The following MAG variants were observed in gnomAD, a reference collection of about 807,000 sequenced individuals.
The protein encoded by MAG is myelin associated glycoprotein, also known as myelin-associated glycoprotein.
In MAG, 30 loss-of-function variants were observed where a neutral mutation model predicts 60.7. The ratio of observed to expected loss-of-function variants is 0.49; its 90% CI spans 0.37 to 0.67. The LOEUF is 0.67. Among genes scored for constraint, MAG ranks in the 30% least tolerant of loss-of-function variants. MAG has a pLI of 0.00. For missense variants in MAG, 795 were observed against 851.7 expected, an observed-to-expected ratio of 0.93 and a Z score of 0.83; for synonymous variants, 384 against 376.8, an observed-to-expected ratio of 1.02 and a Z score of -0.22.
At chr19:35,312,127 G>T in intron 10 of MAG, 110 bp downstream of exon 10, 1 of 1,269,548 alleles carries the variant, frequency 7.9e-7, no homozygotes, top group East Asian at 2.3e-5. Flanking sequence ...GCCTCTCACA[G>T]GAGGAGAGGA....
At position 35,310,076 on chromosome 19, in the gene MAG, G is replaced by A. The variant is rs1327218860; in HGVS notation, c.1434G>A (p.Gly478=). ...TCACCAGCATCCTCACGCTGCGGGG[G>A]CAGGCCCAGGCCCCGCCCCGCGTCA... ...LVLTSILTLR[G]QAQAPPRVIC... The change falls in exon 8 of 11, where the codon GGG becomes GGA. Residue 478 remains glycine (G), a synonymous_variant. Transcript: ENST00000392213. 5.0e-6 allele frequency: 8 copies of A among 1,613,302 alleles called. 1 individual carries two copies. Among genetic ancestry groups the A allele is most frequent in the South Asian group, 2.2e-5 (2 of 91,050 alleles).
chr19:35,305,487 A>C (rs1422100245), intron 7 of MAG, among the ~76,000 whole-genome samples: 1 of 152,168 alleles, frequency 6.6e-6, no homozygotes, highest in Non-Finnish European at 1.5e-5. Flanking sequence ...ACCCAGTTTA[A>C]TACAAGGAAA....
intron 10 of MAG, chr19:35,312,526 T>G (rs2145628467): frequency 2.4e-5 from 8 of 334,718 alleles, no homozygotes; most frequent in Middle Eastern, 1.1e-3. Context: ...TCCAAATTCC[T>G]GTGGCTAGGG....
chr19:35,292,768 CT>C (rs568196327), intron 1 of MAG, among the ~76,000 whole-genome samples: 464 of 145,356 alleles, frequency 3.2e-3, no homozygotes, highest in African/African-American at 4.5e-3. Flanking sequence ...TTTTTCGTTA[CT>C]TTTTTTTTTT....
chr19:35,299,466 G>T, intron 4 of MAG, 88 bp from the exon 5 acceptor site: 1 of 898,928 alleles, frequency 1.1e-6, no homozygotes, highest in South Asian at 1.8e-5. Context: ...CAGCAATGGA[G>T]GTGGACAAGG....
At chr19:35,312,433 T>G in intron 10 of MAG, 1 of 1,012,188 alleles carries the variant, frequency 9.9e-7, no homozygotes, top group South Asian at 1.3e-5. Flanking sequence ...TCTCTGGTGA[T>G]GTCCGGGCCT....
Position 35,313,588 on chromosome 19 carries a change from C to G in MAG, c.*134C>G. On this transcript the variant is annotated 3_prime_UTR_variant, in exon 11 of 11. Coordinates refer to ENST00000392213, the MANE Select transcript of MAG (RefSeq NM_002361.4). The stretch of plus-strand genomic sequence containing the variant: ...GAGTGAGGCAGGTGACAGTGAGGTC[C>G]TGGGGGCCTGACCTCCCCCTCCTTC... The G allele has an allele frequency of 1.1e-6, 1 of 875,816 alleles. No individual in the cohort carries two copies. The highest frequency in any genetic ancestry group is 2.7e-5 in the East Asian group (1 of 36,544). The allele number at this position is 875,816 out of a possible 1,614,324, so 54.3% of individuals were successfully genotyped here.
Position 35,300,253 on chromosome 19 carries a change from G to A in MAG, c.819G>A (p.Trp273Ter). Residue 273 changes from tryptophan to a stop codon, truncating the protein, a stop_gained, in exon 6 of 11, where the codon TGG becomes TGA. Transcript: ENST00000392213. LOFTEE classifies it high-confidence loss of function. The part of the protein sequence containing the change: ...ADSNPPPLLT[W>*]MRDGTVLREA... The stretch of plus-strand genomic sequence containing the variant: ...GCAACCCCCCGCCGCTGCTGACCTG[G>A]ATGCGGGACGGGACAGTCCTCCGGG... 6.3e-7 allele frequency: 1 copy of A among 1,595,548 alleles called. No homozygotes were observed. Among genetic ancestry groups the A allele is most frequent in the Non-Finnish European group, 8.5e-7 (1 of 1,175,030 alleles).
intron 7 of MAG, among the ~76,000 whole-genome samples, chr19:35,309,426 T>C (rs754455563): frequency 2.0e-5 from 3 of 151,936 alleles, no homozygotes; most frequent in Admixed American, 2.0e-4. Context: ...GCTGGTTTCT[T>C]TCATTCTTTC....
In MAG at chr19:35,299,762, G is replaced by A; in HGVS notation, c.624G>A (p.Arg208=). The A allele has an allele frequency of 6.4e-7, 1 of 1,552,084 alleles. No homozygotes were observed. Among genetic ancestry groups the A allele is most frequent in the African/African-American group, 1.4e-5 (1 of 73,194 alleles). ...CACTGCTGCACTTCGTGCCCACGAG[G>A]GAGGCCAACGGCCACAGGCTGGGCT... The part of the protein sequence containing the change: ...QVSLLHFVPT[R]EANGHRLGCQ... The change falls in exon 5 of 11, where the codon AGG becomes AGA. Residue 208 remains arginine, a synonymous_variant. Transcript: ENST00000392213.
At position 35,293,058 on chromosome 19, in the gene MAG, C is replaced by T. The variant is rs2066368822; in HGVS notation, c.-80+854C>T. Among the ~76,000 whole-genome samples the T allele has an allele frequency of 1.3e-5, 2 of 152,108 alleles. No homozygotes were observed. Among genetic ancestry groups the T allele is most frequent in the African/African-American group, 2.4e-5 (1 of 41,408 alleles). On this transcript the variant is annotated intron_variant, in intron 1 of 10. Transcript: ENST00000392213. The surrounding 1 kb of genome is among the most constrained non-coding windows in gnomAD (Gnocchi z 4.0). ...CCCCATCCCGAGAACTTGTTTTCCC[C>T]GCTGTTAAGAGTGCATGGTCTACCT... is the stretch of plus-strand genomic sequence containing the variant.
chr19:35,307,743 A>G (rs1317779777), intron 7 of MAG, among the ~76,000 whole-genome samples: 1 of 147,508 alleles, frequency 6.8e-6, no homozygotes, highest in Non-Finnish European at 1.5e-5. Flanking sequence ...AAAATGAAAG[A>G]AAAAACCTAC....
chr19:35,297,291 CCACACACCACA>C (rs539463050), intron 4 of MAG, among the ~76,000 whole-genome samples: 23 of 135,356 alleles, frequency 1.7e-4, no homozygotes, highest in South Asian at 2.5e-4. Flanking sequence ...CACACACTAC[CCACACACCACA>C]CACACACCAC....
Position 35,299,576 on chromosome 19 carries a change from C to T in MAG, c.438C>T (p.Pro146=). The change falls in exon 5 of 11, where the codon CCC becomes CCT. Residue 146 remains proline (P), a synonymous_variant. Coordinates refer to ENST00000392213, the MANE Select transcript of MAG (RefSeq NM_002361.4). Reference sequence around the variant, plus strand: ...TAGACACCCCCAACATCGTGGTGCCCCCAGAGGTGGTGGCAGGCACGGAGG... The same window carrying T: ...TAGACACCCCCAACATCGTGGTGCCTCCAGAGGTGGTGGCAGGCACGGAGG... ...DIVNTPNIVV[P]PEVVAGTEVE... 6.2e-7 allele frequency: 1 copy of T among 1,600,888 alleles called. No homozygotes were observed. The highest frequency in any genetic ancestry group is 8.5e-7 in the Non-Finnish European group (1 of 1,170,724).
rs1210653994 is a variant in MAG at position 35,293,751 on chromosome 19, A to G, written c.-79-484A>G. On this transcript the variant is annotated intron_variant, in intron 1 of 10. Transcript: ENST00000392213. The surrounding 1 kb of genome is among the most constrained non-coding windows in gnomAD (Gnocchi z 4.0). The stretch of plus-strand genomic sequence containing the variant: ...TTACCCTGAAAGCCCCCCGCAGGCT[A>G]AAACACCCTCTCCCCGAGGGAACAG... Among the ~76,000 whole-genome samples the G allele has an allele frequency of 6.6e-6, 1 of 151,956 alleles. No homozygotes were observed. The highest frequency in any genetic ancestry group is 6.6e-5 in the Admixed American group (1 of 15,266).
At chr19:35,307,739 A>G (rs530704525) in intron 7 of MAG, among the ~76,000 whole-genome samples, 6 of 152,076 alleles carry the variant, frequency 3.9e-5, no homozygotes, top group African/African-American at 1.2e-4. Flanking sequence ...TTGGAAAATG[A>G]AAGAAAAAAC....
At chr19:35,304,312 C>G (rs982542152) in intron 7 of MAG, among the ~76,000 whole-genome samples, 2 of 152,144 alleles carry the variant, frequency 1.3e-5, no homozygotes, top group African/African-American at 4.8e-5. Flanking sequence ...GTCCCCTGAT[C>G]CCTGTTACAC....
In MAG at chr19:35,299,868, C is replaced by T. The variant is rs1199401110; in HGVS notation, c.712+18C>T. 6.8e-5 allele frequency: 9 copies of T among 133,146 alleles called. No individual in the cohort carries two copies. The highest frequency in any genetic ancestry group is 4.6e-4 in the African/African-American group (7 of 15,184). 8.2% of individuals were successfully genotyped at this position (133,146 alleles called of 1,614,324 possible). On this transcript the variant is annotated intron_variant, in intron 5 of 10. Transcript: ENST00000392213. ...CGTCAAGTGTGAGCCTGGGTGCGGG[C>T]GGGGCGGGGTGGGGCGGGGTGGGGC...
At position 35,311,991 on chromosome 19, in the gene MAG, A is replaced by G; in HGVS notation, c.1690A>G (p.Ile564Val). Residue 564 changes from isoleucine (I) to valine (V), a missense_variant, in exon 10 of 11, where the codon ATC becomes GTC. Transcript: ENST00000392213. ...CGTCCTGTTCAGCAGCGACTTCCGC[A>G]TCTCTGGGGCACCAGAGAAGTACGA... is the stretch of plus-strand genomic sequence containing the variant. The part of the protein sequence containing the change: ...PPVLFSSDFR[I>V]SGAPEKYESE... The G allele has an allele frequency of 1.2e-6, 2 of 1,613,050 alleles. No homozygotes were observed. The highest frequency in any genetic ancestry group is 1.7e-6 in the Non-Finnish European group (2 of 1,179,532).
Sources: gnomAD v4.1 joint callset for allele counts (sites outside exome capture counted in the v4.1 genomes callset) on GRCh38, gnomAD v4.1.1 for gene constraint, Gnocchi (gnomAD v3.1) non-coding constraint, MANE v1.5 for transcripts, NCBI Gene and HGNC (gene_info 2026-07-23, HGNC 2026-07-21) for gene names.